MTX2: variants seen among roughly 807,000 people sequenced by gnomAD.
MTX2 encodes metaxin 2.
In MTX2, 35 loss-of-function variants were observed where a neutral mutation model predicts 42.3. The ratio of observed to expected loss-of-function variants is 0.83; its 90% CI spans 0.63 to 1.10. The LOEUF (loss-of-function observed/expected upper bound fraction) is 1.10. MTX2 is among the 50% of genes least tolerant of loss of function. The pLI, the probability that MTX2 is intolerant of heterozygous loss-of-function variation, is 0.00. For missense variants in MTX2, 307 were observed against 304.1 expected (o/e 1.01, Z -0.07); for synonymous variants, 119 against 100.9 (o/e 1.18, Z -1.08).
At chr2:176,297,503 A>G (rs918050483) in intron 2 of MTX2, among the ~76,000 whole-genome samples, 1 of 152,138 alleles carries the variant, frequency 6.6e-6, no homozygotes, top group Non-Finnish European at 1.5e-5. Context: ...CTGGTTTTAT[A>G]TTATTGTGAA....
chr2:176,331,646 A>G (rs925382173), intron 9 of MTX2, among the ~76,000 whole-genome samples: 2 of 151,200 alleles, frequency 1.3e-5, no homozygotes, highest in African/African-American at 4.8e-5. Flanking sequence ...TGATCTTTGA[A>G]GCAGAAAAAT....
chr2:176,271,950 T>C (rs1438299040), intron 1 of MTX2, among the ~76,000 whole-genome samples: 2 of 152,210 alleles, frequency 1.3e-5, no homozygotes, highest in Non-Finnish European at 2.9e-5. Context: ...TGCAGTCCCA[T>C]GTTCATTGCA....
intron 4 of MTX2, among the ~76,000 whole-genome samples, chr2:176,324,646 G>C (rs1684667707): frequency 1.3e-5 from 2 of 151,620 alleles, no homozygotes; most frequent in Admixed American, 1.3e-4. Flanking sequence ...CTAAAGTTCA[G>C]ATCTTTGGCA....
chr2:176,270,520 G>C (rs1309997287), intron 1 of MTX2: 2 of 797,836 alleles, frequency 2.5e-6, no homozygotes, highest in South Asian at 3.0e-5. Flanking sequence ...TTGAGATAGA[G>C]GCTAATGGAA....
chr2:176,326,370 A>G (rs1214117264), intron 4 of MTX2, among the ~76,000 whole-genome samples: 1 of 151,712 alleles, frequency 6.6e-6, no homozygotes, highest in Non-Finnish European at 1.5e-5. Context: ...TGGGTATCAA[A>G]GACTTAAAAG....
chr2:176,271,798 C>T (rs1692817003), intron 1 of MTX2, among the ~76,000 whole-genome samples: 1 of 152,112 alleles, frequency 6.6e-6, no homozygotes, highest in Admixed American at 6.5e-5. Context: ...TAAAGAAATA[C>T]ACAATGATAT....
chr2:176,283,140 G>A (rs1042764811), intron 1 of MTX2, among the ~76,000 whole-genome samples: 2 of 152,160 alleles, frequency 1.3e-5, no homozygotes, highest in African/African-American at 4.8e-5. Flanking sequence ...GGGAGGGGAA[G>A]CCAGGTATGT....
chr2:176,271,502 A>G (rs925206265), intron 1 of MTX2, among the ~76,000 whole-genome samples: 1 of 152,206 alleles, frequency 6.6e-6, no homozygotes, highest in Non-Finnish European at 1.5e-5. Flanking sequence ...TGGAACAGGC[A>G]TTTCACAAAA....
intron 3 of MTX2, among the ~76,000 whole-genome samples, chr2:176,317,848 G>T (rs559598024): frequency 2.0e-5 from 3 of 152,092 alleles, no homozygotes; most frequent in Non-Finnish European, 4.4e-5. Flanking sequence ...CTGCTAGACT[G>T]GGGGAGGGCT....
intron 1 of MTX2, 121 bp from the exon 2 acceptor site, chr2:176,296,739 A>G (rs1575042486): frequency 2.1e-6 from 2 of 953,232 alleles, no homozygotes; most frequent in Non-Finnish European, 3.4e-6. Flanking sequence ...GTTGCCATGT[A>G]TAAGTCAACC....
chr2:176,305,753 G>A (rs1425218034), intron 3 of MTX2, among the ~76,000 whole-genome samples: 1 of 152,020 alleles, frequency 6.6e-6, no homozygotes, highest in Non-Finnish European at 1.5e-5. Context: ...TATTCCAGGA[G>A]TAGTTTCTAG....
chr2:176,337,478 C>A lies in MTX2; in HGVS notation c.621-15C>A, dbSNP rs369027396. Reference sequence around the variant, plus strand: ...AAATGCTACTTACTCACATTACTCTCATTTCTACTTTTAGGCCTACTGAAC... The same window carrying A: ...AAATGCTACTTACTCACATTACTCTAATTTCTACTTTTAGGCCTACTGAAC... On this transcript the variant is annotated splice_polypyrimidine_tract_variant and intron_variant, in intron 9 of 9. Transcript: ENST00000249442. The A allele has an allele frequency of 6.4e-7, 1 of 1,574,798 alleles. No individual in the cohort carries two copies. The highest frequency in any genetic ancestry group is 1.4e-5 in the African/African-American group (1 of 73,380).
chr2:176,331,792 G>A (rs1226828318), intron 9 of MTX2, among the ~76,000 whole-genome samples: 2 of 151,148 alleles, frequency 1.3e-5, no homozygotes, highest in Non-Finnish European at 3.0e-5. Flanking sequence ...TCAATATTAC[G>A]TGATTTCTTT....
intron 3 of MTX2, among the ~76,000 whole-genome samples, chr2:176,302,115 A>C (rs1381125779): frequency 6.6e-6 from 1 of 151,550 alleles, no homozygotes; most frequent in East Asian, 1.9e-4. Flanking sequence ...AGCCAGTTTT[A>C]AAAAGCTGGT....
Position 176,328,287 on chromosome 2 carries a change from CT to C in MTX2, c.286-3del. On this transcript the variant is annotated splice_region_variant and splice_polypyrimidine_tract_variant and intron_variant, in intron 5 of 9. Coordinates refer to ENST00000249442, the MANE Select transcript of MTX2 (RefSeq NM_006554.5). ...GTTCTTTTAAATTTTTTTAAATTCC[CT>C]TTAGGGCCATTCTCTTAGTGATGGG... 1 of 1,539,530 alleles carries C rather than the reference CT, an allele frequency of 6.5e-7. No individual in the cohort carries two copies. The highest frequency in any genetic ancestry group is 2.2e-5 in the Admixed American group (1 of 45,380).
chr2:176,271,548 G>C (rs1692806892), intron 1 of MTX2, among the ~76,000 whole-genome samples: 1 of 152,160 alleles, frequency 6.6e-6, no homozygotes. Flanking sequence ...CAGATGAAAA[G>C]ATGTTCTCTG....
intron 3 of MTX2, among the ~76,000 whole-genome samples, chr2:176,304,080 TAATC>T (rs1490683701): frequency 3.3e-5 from 5 of 152,000 alleles, no homozygotes; most frequent in Non-Finnish European, 7.4e-5. Context: ...AATATCAACA[TAATC>T]AATCTAGCAG....
At chr2:176,308,893 C>A (rs967820903) in intron 3 of MTX2, among the ~76,000 whole-genome samples, 1 of 152,124 alleles carries the variant, frequency 6.6e-6, no homozygotes, top group Non-Finnish European at 1.5e-5. Context: ...GTATCTCTTT[C>A]AGATCCGCTC....
chr2:176,281,430 G>T (rs1268904732), intron 1 of MTX2, among the ~76,000 whole-genome samples: 1 of 152,164 alleles, frequency 6.6e-6, no homozygotes, highest in Non-Finnish European at 1.5e-5. Flanking sequence ...TCTTCATGTG[G>T]CTTGGCTTCC....
Sources: allele counts gnomAD v4.1 joint callset (sites outside exome capture counted in the v4.1 genomes callset), GRCh38; gene constraint gnomAD v4.1.1; transcripts MANE v1.5; gene names NCBI Gene and HGNC (gene_info 2026-07-23, HGNC 2026-07-21).